ESYT2: variants seen among roughly 807,000 people sequenced by gnomAD.
The protein encoded by ESYT2 is extended synaptotagmin 2, also known as extended synaptotagmin-2.
ESYT2 carries 54 observed loss-of-function variants against 107.2 expected under a neutral mutation model. The ratio of observed to expected loss-of-function variants is 0.50; its 90% confidence interval spans 0.40 to 0.63. The LOEUF (loss-of-function observed/expected upper bound fraction) is 0.63. ESYT2 is among the 30% of genes least tolerant of loss of function. The probability of loss-of-function intolerance (pLI) is 0.00; values close to 1 mark genes in which losing one functional copy is unlikely to be tolerated. For missense variants in ESYT2, 1,020 were observed against 1,094.5 expected (o/e 0.93, Z 0.96); for synonymous variants, 491 against 434.1 (o/e 1.13, Z -1.63).
intron 13 of ESYT2, among the ~76,000 whole-genome samples, chr7:158,756,738 G>T (rs1837768975): frequency 6.6e-6 from 1 of 151,874 alleles, no homozygotes; most frequent in Non-Finnish European, 1.5e-5. Context: ...GTGAAACCCT[G>T]TCTCTACTAA....
At chr7:158,738,933 T>C (rs1837085420) in intron 19 of ESYT2, 90 bp downstream of exon 19, 2 of 1,271,428 alleles carry the variant, frequency 1.6e-6, no homozygotes, top group Admixed American at 1.9e-5. Context: ...AAATGGATGT[T>C]TGGAAATCCT....
At position 158,787,593 on chromosome 7, in the gene ESYT2, T is replaced by C. The variant is rs577843625; in HGVS notation, c.747+411A>G. Among the ~76,000 whole-genome samples, 304 of 152,334 alleles carry C rather than the reference T, an allele frequency of 2.0e-3. 2 individuals are homozygous for C. Among genetic ancestry groups the C allele is most frequent in the Middle Eastern group, 6.8e-3 (2 of 294 alleles). ...AACTGGATCTGTATACAGGCTCTTA[T>C]TAATTGTGTGACTTGGAAAAATAAG... On this transcript the variant is annotated intron_variant, in intron 6 of 22. Transcript: ENST00000275418.
chr7:158,747,511 T>C (rs540825021), intron 16 of ESYT2, among the ~76,000 whole-genome samples: 11 of 152,316 alleles, frequency 7.2e-5, no homozygotes, highest in African/African-American at 2.6e-4. Flanking sequence ...ACGTCATTAG[T>C]AATGACGCTG....
intron 7 of ESYT2, among the ~76,000 whole-genome samples, chr7:158,770,537 C>A (rs1204514572): frequency 1.3e-5 from 2 of 150,782 alleles, no homozygotes; most frequent in African/African-American, 4.9e-5. Context: ...TTTCCTGAGA[C>A]GGAGTCTCAC....
rs116243079 is a variant in ESYT2 at position 158,742,158 on chromosome 7, C to T, written c.1795-262G>A. ...ACAGGGGTGACCATCGCGCACTACA[C>T]CACAAGCTCCTGGCCTCAAGAGATC... On this transcript the variant is annotated intron_variant, in intron 17 of 22. Transcript: ENST00000275418. Among the ~76,000 whole-genome samples, 4 of 152,302 alleles carry T rather than the reference C, an allele frequency of 2.6e-5. No individual in the cohort carries two copies. In the South Asian group the frequency reaches 8.3e-4, roughly 32 times the overall value.
chr7:158,788,216 A>G, intron 5 of ESYT2, 123 bp from the exon 6 acceptor site: 3 of 1,158,796 alleles, frequency 2.6e-6, no homozygotes, highest in Non-Finnish European at 3.7e-6. Context: ...TATCTCAACT[A>G]TGACCTACAG....
chr7:158,764,376 C>T (rs1190218774), intron 9 of ESYT2, among the ~76,000 whole-genome samples: 3 of 152,112 alleles, frequency 2.0e-5, no homozygotes, highest in Admixed American at 6.5e-5. Flanking sequence ...AATAACCACA[C>T]GTAACATTTT....
chr7:158,735,889 A>G (rs575114624), intron 20 of ESYT2, among the ~76,000 whole-genome samples: 1 of 152,178 alleles, frequency 6.6e-6, no homozygotes, highest in Non-Finnish European at 1.5e-5. Flanking sequence ...GCGTCTCTCA[A>G]CATGTCTGAC....
chr7:158,804,271 G>A (rs1468951698), intron 1 of ESYT2, among the ~76,000 whole-genome samples: 2 of 66,800 alleles, frequency 3.0e-5, no homozygotes. Context: ...CCGCCGAGAA[G>A]GGTGAGGCGC....
intron 4 of ESYT2, among the ~76,000 whole-genome samples, chr7:158,792,782 T>G (rs2129473386): frequency 1.4e-5 from 2 of 146,222 alleles, no homozygotes; most frequent in East Asian, 2.0e-4. Context: ...TTTTTTTTTT[T>G]TTTTGAGATG....
At position 158,812,075 on chromosome 7, in the gene ESYT2, T is replaced by C. The variant is rs545127708; in HGVS notation, c.331-13003A>G. On this transcript the variant is annotated intron_variant, in intron 1 of 22. Coordinates refer to ENST00000275418, the MANE Select transcript of ESYT2 (RefSeq NM_001367773.1). ...GAGGGCTGGGCCTTACAGCAGAGAG[T>C]ATCAGAGGCAGCCACAGCTTCCCCC... 2.3e-4 allele frequency among the ~76,000 whole-genome samples: 35 copies of C among 151,858 alleles called. 1 individual carries two copies. In the South Asian group the frequency reaches 7.3e-3, roughly 32 times the overall value.
intron 4 of ESYT2, among the ~76,000 whole-genome samples, chr7:158,793,235 T>A (rs1474242298): frequency 6.6e-6 from 1 of 152,234 alleles, no homozygotes; most frequent in East Asian, 1.9e-4. Flanking sequence ...TTTTCCTTCC[T>A]TTTAATGTGG....
intron 6 of ESYT2, among the ~76,000 whole-genome samples, chr7:158,778,695 C>G (rs1380734518): frequency 6.6e-6 from 1 of 152,180 alleles, no homozygotes; most frequent in Non-Finnish European, 1.5e-5. Context: ...GACTCATCAG[C>G]CTTTTGCGGG....
At chr7:158,792,160 C>CTTTT (rs113589859) in intron 4 of ESYT2, among the ~76,000 whole-genome samples, 12,276 of 123,000 alleles carry the variant, frequency 0.1, 627 homozygotes, top group Non-Finnish European at 0.11. Context: ...TCCACGAGTT[C>CTTTT]TTTTTTTTTT....
chr7:158,800,908 T>C (rs1839622092), intron 1 of ESYT2, among the ~76,000 whole-genome samples: 1 of 152,124 alleles, frequency 6.6e-6, no homozygotes, highest in South Asian at 2.1e-4. Context: ...TTTGTATTTT[T>C]AGTAGAGATG....
intron 3 of ESYT2, among the ~76,000 whole-genome samples, chr7:158,796,321 G>A (rs1253555891): frequency 6.7e-6 from 1 of 148,968 alleles, no homozygotes; most frequent in Non-Finnish European, 1.5e-5. Flanking sequence ...AGGCTTTTAT[G>A]AAAGGTGGTA....
intron 8 of ESYT2, 53 bp from the exon 9 acceptor site, chr7:158,764,906 G>T: frequency 6.4e-7 from 1 of 1,568,934 alleles, no homozygotes; most frequent in Non-Finnish European, 8.7e-7. Context: ...TGTTTAACTG[G>T]CATGGAAGAT....
rs932385005 is a variant in ESYT2, at chr7:158,788,430, T to G, written c.585-13A>C. 5 of 1,601,550 alleles carry G rather than the reference T, an allele frequency of 3.1e-6. No individual in the cohort carries two copies. In the African/African-American group the frequency reaches 6.7e-5, roughly 22 times the overall value. On this transcript the variant is annotated splice_polypyrimidine_tract_variant and intron_variant, in intron 4 of 22. Coordinates refer to ENST00000275418, the MANE Select transcript of ESYT2 (RefSeq NM_001367773.1). ...ATTTCCTACAAAACTAACAAAAAAT[T>G]CTGCATTACATGATGTAAGTGAAAT...
At chr7:158,741,389 G>T in intron 18 of ESYT2, 134 bp downstream of exon 18, 1 of 1,332,434 alleles carries the variant, frequency 7.5e-7, no homozygotes, top group Non-Finnish European at 1.0e-6. Context: ...AGTGCTTTCA[G>T]TTAACCTAAG....
Sources: gnomAD v4.1 joint callset for allele counts (sites outside exome capture counted in the v4.1 genomes callset) on GRCh38, gnomAD v4.1.1 for gene constraint, MANE v1.5 for transcripts, NCBI Gene and HGNC (gene_info 2026-07-23, HGNC 2026-07-21) for gene names.